The following ANGPT1 variants were observed in gnomAD, a reference collection of about 807,000 sequenced individuals.
ANGPT1 encodes the protein angiopoietin 1.
ANGPT1 carries 17 observed loss-of-function variants against 62.2 expected under a neutral mutation model. The observed-to-expected ratio is 0.27, with a 90% CI of 0.19 to 0.41. The LOEUF (loss-of-function observed/expected upper bound fraction) is 0.41, where lower values mean the gene tolerates loss of function less well. Ranked by LOEUF, ANGPT1 falls within the 10% of genes least tolerant of loss-of-function variation. ANGPT1 has a pLI of 1.00. For synonymous variants in ANGPT1, 199 were observed against 198.9 expected (o/e 1.00, Z 0.00); for missense variants, 478 against 594.9 (o/e 0.80, Z 2.04).
Position 107,251,784 on chromosome 8 carries a change from A to T in ANGPT1, c.*71T>A. 1 of 1,573,942 alleles carries T rather than the reference A, an allele frequency of 6.4e-7. No homozygotes were observed. The highest frequency in any genetic ancestry group is 8.7e-7 in the Non-Finnish European group (1 of 1,151,808). On this transcript the variant is annotated 3_prime_UTR_variant, in exon 9 of 9. Coordinates refer to ENST00000517746, the MANE Select transcript of ANGPT1 (RefSeq NM_001146.5). ...AATATTGTTTGCTTCTGAAGTTTTC[A>T]AACAGTTTCTCACCTGGCAGCTTCT...
chr8:107,410,431 A>G (rs1817244415), intron 1 of ANGPT1, among the ~76,000 whole-genome samples: 1 of 152,102 alleles, frequency 6.6e-6, no homozygotes, highest in South Asian at 2.1e-4. Context: ...ACATGCTAAA[A>G]GGCTCCCTTT....
chr8:107,468,777 T>C (rs1381103946), intron 1 of ANGPT1, among the ~76,000 whole-genome samples: 1 of 152,096 alleles, frequency 6.6e-6, no homozygotes, highest in African/African-American at 2.4e-5. Context: ...GGAATCCTCC[T>C]GATTGAGATC....
intron 5 of ANGPT1, 124 bp downstream of exon 5, chr8:107,303,116 G>C (rs879214591): frequency 9.1e-7 from 1 of 1,100,646 alleles, no homozygotes; most frequent in South Asian, 1.4e-5. Context: ...GTATCTCTGG[G>C]AGAAAAAAGT....
Position 107,336,240 on chromosome 8 carries a change from T to C in ANGPT1, c.485A>G (p.Gln162Arg). ...VLNQTSRLEIQLLENSLSTYK... is the reference protein window; with the variant it reads ...VLNQTSRLEIRLLENSLSTYK... ...GGTGGATAATGAATTCTCCAGCAGC[T>C]GTATCTCAAGTCGAGAAGTTTGATT... is the stretch of plus-strand genomic sequence containing the variant. The change falls in exon 3 of 9, where the codon CAG becomes CGG. Residue 162 changes from glutamine to arginine, a missense_variant. This residue lies in a region of ANGPT1 where 343 missense variants were observed against 355.4 expected (regional missense o/e 0.97). Coordinates refer to ENST00000517746, the MANE Select transcript of ANGPT1 (RefSeq NM_001146.5). The C allele has an allele frequency of 6.2e-7, 1 of 1,606,508 alleles. No individual in the cohort carries two copies. Among genetic ancestry groups the C allele is most frequent in the Non-Finnish European group, 8.5e-7 (1 of 1,177,450 alleles).
At chr8:107,272,425 T>G (rs543572581) in intron 7 of ANGPT1, among the ~76,000 whole-genome samples, 12 of 152,010 alleles carry the variant, frequency 7.9e-5, no homozygotes, top group Admixed American at 2.0e-4. Context: ...TTTGATAATA[T>G]ACATTTTTAA....
chr8:107,387,535 A>T (rs1816754222), intron 1 of ANGPT1, among the ~76,000 whole-genome samples: 1 of 152,062 alleles, frequency 6.6e-6, no homozygotes, highest in Non-Finnish European at 1.5e-5. Context: ...CCAATGGTAC[A>T]ATAGACTATT....
intron 1 of ANGPT1, among the ~76,000 whole-genome samples, chr8:107,438,529 C>T (rs1426318164): frequency 1.3e-5 from 2 of 152,160 alleles, no homozygotes; most frequent in South Asian, 2.1e-4. Flanking sequence ...ATTCTAAACA[C>T]GGAAACTGAA....
intron 4 of ANGPT1, among the ~76,000 whole-genome samples, chr8:107,309,645 T>G (rs1236099021): frequency 6.6e-6 from 1 of 152,204 alleles, no homozygotes; most frequent in African/African-American, 2.4e-5. Context: ...AATGACTTTA[T>G]AAACAGATAT....
chr8:107,319,217 T>C (rs751677283), intron 4 of ANGPT1, among the ~76,000 whole-genome samples: 9 of 152,186 alleles, frequency 5.9e-5, no homozygotes, highest in Non-Finnish European at 1.3e-4. Context: ...TTCTCCTGAC[T>C]TTATACATGA....
intron 1 of ANGPT1, among the ~76,000 whole-genome samples, chr8:107,487,990 T>G (rs1312996977): frequency 2.6e-5 from 4 of 152,168 alleles, no homozygotes; most frequent in African/African-American, 9.7e-5. Flanking sequence ...TACTACATTC[T>G]TAAGGTAAAA....
chr8:107,261,806 A>C (rs1385692142), intron 8 of ANGPT1, among the ~76,000 whole-genome samples: 1 of 152,134 alleles, frequency 6.6e-6, no homozygotes, highest in Non-Finnish European at 1.5e-5. Flanking sequence ...CATATTGAAA[A>C]GATATCAACA....
chr8:107,362,904 C>T (rs1816195113), intron 1 of ANGPT1, among the ~76,000 whole-genome samples: 1 of 152,124 alleles, frequency 6.6e-6, no homozygotes, highest in Non-Finnish European at 1.5e-5. Context: ...TGCCTATCTT[C>T]CCAGTTGTAA....
intron 3 of ANGPT1, among the ~76,000 whole-genome samples, chr8:107,324,298 T>C (rs1279953777): frequency 1.3e-5 from 2 of 151,768 alleles, no homozygotes; most frequent in African/African-American, 2.4e-5. Flanking sequence ...TCGTTGCAGA[T>C]GTAATTAGTT....
intron 1 of ANGPT1, among the ~76,000 whole-genome samples, chr8:107,477,313 G>T (rs1202966544): frequency 6.6e-6 from 1 of 152,136 alleles, no homozygotes; most frequent in African/African-American, 2.4e-5. Flanking sequence ...TTTGCACAAA[G>T]TTAAGGAAGA....
chr8:107,263,902 C>G (rs1296320778), intron 8 of ANGPT1, among the ~76,000 whole-genome samples: 1 of 152,080 alleles, frequency 6.6e-6, no homozygotes, highest in Non-Finnish European at 1.5e-5. Context: ...AGTTCCCAAA[C>G]TATTGTTCAT....
At chr8:107,371,573 CTTTTTTTTTT>C (rs5893851) in intron 1 of ANGPT1, among the ~76,000 whole-genome samples, 2 of 102,128 alleles carry the variant, frequency 2.0e-5, no homozygotes, top group East Asian at 2.9e-4. Context: ...GCTGAGCATT[CTTTTTTTTTT>C]TTTTTTTTTT....
At chr8:107,358,183 T>C (rs1816087988) in intron 1 of ANGPT1, among the ~76,000 whole-genome samples, 1 of 152,192 alleles carries the variant, frequency 6.6e-6, no homozygotes, top group African/African-American at 2.4e-5. Flanking sequence ...GTCAATGTCA[T>C]TGTATAATAA....
At chr8:107,429,090 T>C (rs185042857) in intron 1 of ANGPT1, among the ~76,000 whole-genome samples, 3 of 152,346 alleles carry the variant, frequency 2.0e-5, no homozygotes, top group Non-Finnish European at 2.9e-5. Context: ...AATAGTTATA[T>C]TTAAGACGCT....
chr8:107,268,812 C>T (rs950882748), intron 7 of ANGPT1, among the ~76,000 whole-genome samples: 4 of 149,628 alleles, frequency 2.7e-5, no homozygotes, highest in African/African-American at 9.8e-5. Flanking sequence ...TCAAGATGTG[C>T]AATGTAAACA....
Sources: gnomAD v4.1 joint callset for allele counts (sites outside exome capture counted in the v4.1 genomes callset) on GRCh38, gnomAD v4.1.1 for gene constraint, gnomAD v4.1.1 regional missense constraint, MANE v1.5 for transcripts, NCBI Gene and HGNC (gene_info 2026-07-23, HGNC 2026-07-21) for gene names.